CD200R1: variants seen among roughly 807,000 people sequenced by gnomAD.
CD200R1 encodes the protein cell surface glycoprotein CD200 receptor 1.
A neutral mutation model predicts 38.1 loss-of-function variants in CD200R1; 30 were observed. That is an observed-to-expected ratio of 0.79 (90% CI 0.59 to 1.07). The LOEUF (loss-of-function observed/expected upper bound fraction) is 1.07. Among genes scored for constraint, CD200R1 ranks in the 50% least tolerant of loss-of-function variants. The pLI is 0.00. For missense variants in CD200R1, 372 were observed against 415.4 expected, an observed-to-expected ratio of 0.90 and a Z score of 0.91; for synonymous variants, 128 against 152.1, an observed-to-expected ratio of 0.84 and a Z score of 1.16.
intron 2 of CD200R1, among the ~76,000 whole-genome samples, chr3:112,938,539 C>T (rs925051379): frequency 6.6e-6 from 1 of 151,880 alleles, no homozygotes; most frequent in African/African-American, 2.4e-5. Flanking sequence ...TACAGACAAC[C>T]TAACAACTTT....
chr3:112,969,817 C>T (rs1298532854), intron 1 of CD200R1, among the ~76,000 whole-genome samples: 1 of 152,088 alleles, frequency 6.6e-6, no homozygotes, highest in African/African-American at 2.4e-5. Context: ...TCCAAGAGAA[C>T]CTGCAACAGC....
intron 1 of CD200R1, among the ~76,000 whole-genome samples, chr3:112,958,365 A>C: frequency 6.6e-6 from 1 of 152,186 alleles, no homozygotes; most frequent in Non-Finnish European, 1.5e-5. Context: ...TGAAAGTACA[A>C]GATGGGCACA....
intron 3 of CD200R1, among the ~76,000 whole-genome samples, chr3:112,930,021 G>A (rs2107304953): frequency 6.6e-6 from 1 of 151,798 alleles, no homozygotes; most frequent in South Asian, 2.1e-4. Context: ...TTCTTTTAAA[G>A]TAACTAATAT....
intron 2 of CD200R1, among the ~76,000 whole-genome samples, chr3:112,943,748 G>A (rs75838458): frequency 3.7e-4 from 56 of 151,790 alleles, no homozygotes; most frequent in Non-Finnish European, 6.5e-4. Context: ...GATACAAGTT[G>A]CTAATATCTG....
intron 1 of CD200R1, among the ~76,000 whole-genome samples, chr3:112,965,215 G>A (rs542790422): frequency 6.6e-6 from 1 of 152,294 alleles, no homozygotes; most frequent in African/African-American, 2.4e-5. Flanking sequence ...GAATTAAGAA[G>A]CTTTGTGATT....
intron 1 of CD200R1, among the ~76,000 whole-genome samples, chr3:112,967,739 A>G (rs971592040): frequency 6.6e-6 from 1 of 152,200 alleles, no homozygotes. Context: ...CCACTTGAAT[A>G]CTTGCTGTCA....
chr3:112,972,428 CCTTTT>C (rs1370670030), intron 1 of CD200R1, among the ~76,000 whole-genome samples: 6 of 152,016 alleles, frequency 3.9e-5, no homozygotes, highest in African/African-American at 1.4e-4. Context: ...GTGAAGGGTT[CCTTTT>C]TAGTAACTCA....
intron 1 of CD200R1, among the ~76,000 whole-genome samples, chr3:112,970,318 G>C (rs541704044): frequency 2.0e-4 from 30 of 152,288 alleles, no homozygotes; most frequent in African/African-American, 6.7e-4. Context: ...TTGTTGCTTA[G>C]TGTTAATGCA....
chr3:112,943,571 A>G (rs1410186709), intron 2 of CD200R1, among the ~76,000 whole-genome samples: 1 of 151,782 alleles, frequency 6.6e-6, no homozygotes, highest in Non-Finnish European at 1.5e-5. Flanking sequence ...TTACGAAACT[A>G]GAAAATAGAA....
chr3:112,948,062 A>T, intron 1 of CD200R1, 138 bp from the exon 2 acceptor site: 1 of 662,588 alleles, frequency 1.5e-6, no homozygotes, highest in Non-Finnish European at 2.7e-6. Context: ...AAATTATGAC[A>T]GCCAAGCAAA....
intron 1 of CD200R1, among the ~76,000 whole-genome samples, chr3:112,961,491 G>A (rs1448723936): frequency 6.6e-6 from 1 of 151,756 alleles, no homozygotes; most frequent in Non-Finnish European, 1.5e-5. Context: ...GACTAACATC[G>A]TTGTTTGCCA....
chr3:112,929,066 T>G lies in CD200R1; in HGVS notation c.521-2A>C. 1 of 1,613,598 alleles carries G rather than the reference T, an allele frequency of 6.2e-7. No homozygotes were observed. The highest frequency in any genetic ancestry group is 8.5e-7 in the Non-Finnish European group (1 of 1,179,766). On this transcript the variant is annotated splice_acceptor_variant, in intron 4 of 7. Transcript: ENST00000308611. LOFTEE classifies it high-confidence loss of function. ...GAAACAGGGTCACTTCAGGTGTAAC[T>G]GCAGAGAGGAAAGAGGGAAAAAAAT...
chr3:112,971,714 C>A (rs1038742868), intron 1 of CD200R1, among the ~76,000 whole-genome samples: 1 of 152,170 alleles, frequency 6.6e-6, no homozygotes, highest in Non-Finnish European at 1.5e-5. Flanking sequence ...TACCCAGGTT[C>A]TTTAATTTAG....
intron 1 of CD200R1, among the ~76,000 whole-genome samples, chr3:112,955,345 A>C (rs755007809): frequency 6.6e-6 from 1 of 152,162 alleles, no homozygotes; most frequent in Non-Finnish European, 1.5e-5. Context: ...AAGTCCCCTA[A>C]TGTTATTGTC....
At chr3:112,973,704 A>G (rs898823818) in intron 1 of CD200R1, among the ~76,000 whole-genome samples, 12 of 152,228 alleles carry the variant, frequency 7.9e-5, no homozygotes, top group Non-Finnish European at 1.5e-4. Flanking sequence ...GCAGCATTTT[A>G]AAGTCATTCA....
intron 2 of CD200R1, among the ~76,000 whole-genome samples, chr3:112,940,265 A>G (rs1342680427): frequency 1.3e-5 from 2 of 151,742 alleles, no homozygotes; most frequent in East Asian, 3.8e-4. Context: ...TCTGAGAAAT[A>G]ATTTTAAGAA....
chr3:112,928,717 G>T lies in CD200R1; in HGVS notation c.769+99C>A, dbSNP rs138519767. The T allele has an allele frequency of 4.9e-4, 426 of 875,588 alleles. 2 individuals carry two copies. In the African/African-American group the frequency reaches 6.5e-3, roughly 13 times the overall value. 54.2% of individuals were successfully genotyped at this position (875,588 alleles called of 1,614,324 possible). ...AAGAGATAAAAATGAAGAGTGGGGA[G>T]AGCATCCTCGAACAAAATATATTTG... On this transcript the variant is annotated intron_variant, in intron 5 of 7. Transcript: ENST00000308611.
At chr3:112,948,701 T>C (rs540229164) in intron 1 of CD200R1, among the ~76,000 whole-genome samples, 64 of 152,270 alleles carry the variant, frequency 4.2e-4, no homozygotes, top group African/African-American at 1.4e-3. Flanking sequence ...AGCCCCAGGG[T>C]TGGGGACCCG....
chr3:112,974,465 T>C (rs1386821813), intron 1 of CD200R1, among the ~76,000 whole-genome samples: 1 of 151,904 alleles, frequency 6.6e-6, no homozygotes, highest in East Asian at 1.9e-4. Context: ...GAGAATAAGA[T>C]AAAGAGAACC....
Sources: allele counts gnomAD v4.1 joint callset (sites outside exome capture counted in the v4.1 genomes callset), GRCh38; gene constraint gnomAD v4.1.1; transcripts MANE v1.5; gene names NCBI Gene and HGNC (gene_info 2026-07-23, HGNC 2026-07-21).